Variants in GRID1 observed in about 807,000 individuals in gnomAD.
The protein encoded by GRID1 is glutamate ionotropic receptor delta type subunit 1, also known as glutamate receptor ionotropic, delta-1.
A neutral mutation model predicts 98.0 loss-of-function variants in GRID1; 28 were observed. The observed-to-expected ratio is 0.29, with a 90% confidence interval of 0.21 to 0.39. The LOEUF is 0.39. Ranked by LOEUF, GRID1 falls within the 10% of genes least tolerant of loss-of-function variation. The pLI, the probability that GRID1 is intolerant of heterozygous loss-of-function variation, is 1.00. For missense variants in GRID1, 1,111 were observed against 1,340.5 expected (o/e 0.83, Z 2.67); for synonymous variants, 553 against 538.5 (o/e 1.03, Z -0.37).
chr10:86,029,757 G>T (rs536478261), intron 4 of GRID1, among the ~76,000 whole-genome samples: 45 of 152,010 alleles, frequency 3.0e-4, no homozygotes, highest in African/African-American at 1.0e-3. Flanking sequence ...TAGAAATCTG[G>T]ATCAATATGC....
Position 85,635,573 on chromosome 10 carries a change from A to T in GRID1, c.2193+11629T>A, listed in dbSNP as rs570707490. 3.3e-5 allele frequency among the ~76,000 whole-genome samples: 5 copies of T among 152,350 alleles called. No individual in the cohort carries two copies. In the South Asian group the frequency reaches 1.0e-3, roughly 32 times the overall value. On this transcript the variant is annotated intron_variant, in intron 13 of 15. Coordinates refer to ENST00000327946, the MANE Select transcript of GRID1 (RefSeq NM_017551.3). ...ATTTTTGAAAGGTTAAGAGACATTG[A>T]GTAAGTGCTTTATCCATGCCTACCT...
At chr10:86,115,637 T>C (rs954181537) in intron 4 of GRID1, among the ~76,000 whole-genome samples, 12 of 152,174 alleles carry the variant, frequency 7.9e-5, no homozygotes, top group African/African-American at 2.9e-4. Context: ...GAATTCCAAC[T>C]CAAGCCTGGG....
At chr10:86,068,880 G>T (rs545344740) in intron 4 of GRID1, among the ~76,000 whole-genome samples, 11 of 152,160 alleles carry the variant, frequency 7.2e-5, no homozygotes, top group Non-Finnish European at 1.5e-4. Flanking sequence ...GTGATCAGGA[G>T]TTGGGAGGAA....
At chr10:85,757,002 A>G (rs987525343) in intron 8 of GRID1, among the ~76,000 whole-genome samples, 2 of 152,176 alleles carry the variant, frequency 1.3e-5, no homozygotes, top group Non-Finnish European at 2.9e-5. Context: ...AAATGTTCTC[A>G]TAGTCTGTCA....
intron 2 of GRID1, among the ~76,000 whole-genome samples, chr10:86,356,444 G>T (rs1848534550): frequency 6.6e-6 from 1 of 152,188 alleles, no homozygotes; most frequent in South Asian, 2.1e-4. Context: ...GTGCTTCCTG[G>T]ATCCCTTGTG....
At chr10:86,135,273 T>A (rs900252546) in intron 4 of GRID1, among the ~76,000 whole-genome samples, 13 of 152,144 alleles carry the variant, frequency 8.5e-5, no homozygotes, top group Non-Finnish European at 1.9e-4. Flanking sequence ...ATGAGTCCAA[T>A]CCACTCCCCA....
chr10:85,750,513 T>C lies in GRID1; in HGVS notation c.1234-20899A>G, dbSNP rs1842036405. ...AGTAATTAGCTAGCAAGCATGGAAA[T>C]ATGTCCAATCTAATAACATAAAAAG... On this transcript the variant is annotated intron_variant, in intron 8 of 15. Transcript: ENST00000327946. Among the ~76,000 whole-genome samples the C allele has an allele frequency of 4.6e-5, 7 of 152,210 alleles. No homozygotes were observed. The South Asian group carries it at 1.4e-3, about 32-fold the overall frequency.
intron 14 of GRID1, among the ~76,000 whole-genome samples, chr10:85,619,270 C>A (rs944895441): frequency 6.6e-6 from 1 of 152,232 alleles, no homozygotes; most frequent in African/African-American, 2.4e-5. Context: ...CCTGCCCCAG[C>A]AGACAGCATC....
intron 4 of GRID1, among the ~76,000 whole-genome samples, chr10:85,978,861 T>C (rs1842507627): frequency 6.6e-6 from 1 of 152,208 alleles, no homozygotes; most frequent in Non-Finnish European, 1.5e-5. Context: ...CACATCCTCC[T>C]GGAACGCTTA....
At chr10:85,987,197 T>C (rs980975547) in intron 4 of GRID1, among the ~76,000 whole-genome samples, 1 of 151,970 alleles carries the variant, frequency 6.6e-6, no homozygotes, top group African/African-American at 2.4e-5. Flanking sequence ...TACCCTGGAT[T>C]GAGTCACGGT....
chr10:86,078,433 G>T (rs1208446784), intron 4 of GRID1, among the ~76,000 whole-genome samples: 1 of 152,230 alleles, frequency 6.6e-6, no homozygotes, highest in East Asian at 1.9e-4. Context: ...ACAGACAGTG[G>T]GTGGAACGGG....
chr10:85,883,231 C>G (rs975416939), intron 5 of GRID1, among the ~76,000 whole-genome samples: 1 of 152,112 alleles, frequency 6.6e-6, no homozygotes, highest in African/African-American at 2.4e-5. Flanking sequence ...TTTTTAACTT[C>G]AACTGTTAGA....
intron 13 of GRID1, among the ~76,000 whole-genome samples, chr10:85,622,770 A>G (rs959408131): frequency 1.3e-5 from 2 of 152,164 alleles, no homozygotes; most frequent in Admixed American, 1.3e-4. Context: ...TTGCAATTCT[A>G]TGGAAATGTA....
At chr10:85,904,716 A>T (rs1841435412) in intron 5 of GRID1, among the ~76,000 whole-genome samples, 1 of 135,474 alleles carries the variant, frequency 7.4e-6, no homozygotes, top group Non-Finnish European at 1.7e-5. Context: ...GTATGAAATT[A>T]AAAAAAAAAA....
At chr10:86,301,575 C>T (rs1020418761) in intron 2 of GRID1, among the ~76,000 whole-genome samples, 21 of 152,160 alleles carry the variant, frequency 1.4e-4, no homozygotes, top group Admixed American at 1.4e-3. Flanking sequence ...GGACCCTTGG[C>T]CACAAGGAAC....
intron 5 of GRID1, among the ~76,000 whole-genome samples, chr10:85,895,703 G>A (rs1490296397): frequency 6.6e-6 from 1 of 152,078 alleles, no homozygotes; most frequent in African/African-American, 2.4e-5. Context: ...GGAAGAAATG[G>A]CTTTTCATAT....
chr10:85,685,815 T>A (rs185587662), intron 12 of GRID1, among the ~76,000 whole-genome samples: 2 of 152,196 alleles, frequency 1.3e-5, no homozygotes, highest in East Asian at 3.9e-4. Flanking sequence ...AGCAATATAG[T>A]GTATAGAAAA....
chr10:85,956,789 C>G (rs1842200291), intron 4 of GRID1, among the ~76,000 whole-genome samples: 1 of 152,174 alleles, frequency 6.6e-6, no homozygotes, highest in African/African-American at 2.4e-5. Context: ...CCACTGGGCT[C>G]TTTAGTGCAA....
At chr10:85,877,577 A>C (rs150855527) in intron 5 of GRID1, among the ~76,000 whole-genome samples, 2,387 of 152,336 alleles carry the variant, frequency 0.016, 72 homozygotes, top group African/African-American at 0.054. Context: ...TTAGAAGGAA[A>C]ACTAACAAAA....
Sources: allele counts gnomAD v4.1 joint callset (sites outside exome capture counted in the v4.1 genomes callset), GRCh38; gene constraint gnomAD v4.1.1; transcripts MANE v1.5; gene names NCBI Gene and HGNC (gene_info 2026-07-23, HGNC 2026-07-21).